The following TRPC7 variants were observed in gnomAD, a reference collection of about 807,000 sequenced individuals.
The protein encoded by TRPC7 is transient receptor potential cation channel subfamily C member 7.
Under a neutral mutation model 90.1 loss-of-function variants are expected in TRPC7, and 42 were observed. The observed-to-expected ratio is 0.47, with a 90% CI of 0.36 to 0.60. The LOEUF is 0.60. TRPC7 is among the 20% of genes least tolerant of loss of function. TRPC7 has a pLI of 0.00. For missense variants in TRPC7, 955 were observed against 1,112.3 expected, an observed-to-expected ratio of 0.86 and a Z score of 2.01; for synonymous variants, 451 against 436.3, an observed-to-expected ratio of 1.03 and a Z score of -0.42.
At chr5:136,361,452 T>C (rs1760566882) in intron 1 of TRPC7, among the ~76,000 whole-genome samples, 1 of 152,160 alleles carries the variant, frequency 6.6e-6, no homozygotes, top group Non-Finnish European at 1.5e-5. Context: ...CTCTTACAGA[T>C]GCATCAGCCA....
intron 7 of TRPC7, among the ~76,000 whole-genome samples, chr5:136,235,044 A>C (rs1339450171): frequency 6.6e-6 from 1 of 152,244 alleles, no homozygotes; most frequent in Non-Finnish European, 1.5e-5. Context: ...AATTTATTAC[A>C]TAATTCTGGG....
intron 3 of TRPC7, among the ~76,000 whole-genome samples, chr5:136,311,750 C>T (rs1758840659): frequency 6.6e-6 from 1 of 152,128 alleles, no homozygotes; most frequent in African/African-American, 2.4e-5. Flanking sequence ...AGGTGTGACT[C>T]AATATGGGGA....
chr5:136,287,483 A>G (rs1379262365), intron 3 of TRPC7, among the ~76,000 whole-genome samples: 12 of 151,852 alleles, frequency 7.9e-5, no homozygotes, highest in African/African-American at 2.4e-4. Context: ...TGGACCCCCA[A>G]ATGCAGATCA....
chr5:136,279,996 A>G (rs1391130638), intron 3 of TRPC7, among the ~76,000 whole-genome samples: 1 of 151,906 alleles, frequency 6.6e-6, no homozygotes, highest in Non-Finnish European at 1.5e-5. Context: ...CTACTGAAAA[A>G]AAAAAATACA....
At chr5:136,357,498 A>G (rs1760430919) in intron 1 of TRPC7, 113 bp from the exon 2 acceptor site, 3 of 1,104,368 alleles carry the variant, frequency 2.7e-6, no homozygotes. Context: ...CTTATGAGGA[A>G]TTGTGCAATC....
intron 1 of TRPC7, among the ~76,000 whole-genome samples, chr5:136,359,012 T>G (rs1760477393): frequency 6.6e-6 from 1 of 152,210 alleles, no homozygotes; most frequent in African/African-American, 2.4e-5. Context: ...GTATTTCACT[T>G]TAGCCATTTT....
chr5:136,264,390 CAT>C (rs1226782256), intron 5 of TRPC7, among the ~76,000 whole-genome samples: 6 of 152,254 alleles, frequency 3.9e-5, no homozygotes, highest in Middle Eastern at 3.4e-3. Flanking sequence ...ATAAATCCAA[CAT>C]GTGAGTTTTT....
intron 7 of TRPC7, among the ~76,000 whole-genome samples, chr5:136,234,672 G>A (rs2149798510): frequency 6.6e-6 from 1 of 152,118 alleles, no homozygotes; most frequent in South Asian, 2.1e-4. Flanking sequence ...CTTTTCATGG[G>A]GCAAAATGAA....
rs188447842 is a variant in TRPC7, at chr5:136,253,315, A to G, written c.1346-1433T>C. Among the ~76,000 whole-genome samples, 4 of 150,636 alleles carry G rather than the reference A, an allele frequency of 2.7e-5. No individual in the cohort carries two copies. In the East Asian group the frequency reaches 7.9e-4, roughly 30 times the overall value. On this transcript the variant is annotated intron_variant, in intron 5 of 11. Coordinates refer to ENST00000513104, the MANE Select transcript of TRPC7 (RefSeq NM_020389.3). ...ACTGATTACTAAATTATTACTATTT[A>G]AATTATTTTAAATTACCGGCATACC...
chr5:136,239,107 T>TA (rs1265875597), intron 7 of TRPC7, among the ~76,000 whole-genome samples: 2 of 152,148 alleles, frequency 1.3e-5, no homozygotes, highest in Non-Finnish European at 2.9e-5. Context: ...GTGGGTGCAG[T>TA]AAGCTCTCTC....
intron 7 of TRPC7, among the ~76,000 whole-genome samples, chr5:136,237,395 C>T (rs1756016306): frequency 6.6e-6 from 1 of 152,210 alleles, no homozygotes; most frequent in African/African-American, 2.4e-5. Flanking sequence ...GTGTTTTCTT[C>T]ATCTTCGAAA....
intron 3 of TRPC7, among the ~76,000 whole-genome samples, chr5:136,287,359 G>A (rs985981913): frequency 4.0e-5 from 6 of 151,748 alleles, no homozygotes; most frequent in African/African-American, 1.5e-4. Flanking sequence ...GTGAAGAGGA[G>A]TCCTTGGTGT....
At chr5:136,246,071 G>A (rs944789537) in intron 7 of TRPC7, among the ~76,000 whole-genome samples, 1 of 152,190 alleles carries the variant, frequency 6.6e-6, no homozygotes. Context: ...CAGGCTTAGA[G>A]AGCTCCATCA....
intron 2 of TRPC7, among the ~76,000 whole-genome samples, chr5:136,335,616 A>G (rs1180003315): frequency 1.3e-5 from 2 of 151,924 alleles, no homozygotes; most frequent in Non-Finnish European, 2.9e-5. Context: ...TTAAAAAGCT[A>G]CGAGAGGCCA....
intron 3 of TRPC7, among the ~76,000 whole-genome samples, chr5:136,281,741 C>T (rs1757557763): frequency 6.6e-6 from 1 of 152,106 alleles, no homozygotes; most frequent in Non-Finnish European, 1.5e-5. Context: ...TATGGAATGT[C>T]CATAATGATG....
At chr5:136,357,856 G>A (rs538589300) in intron 1 of TRPC7, among the ~76,000 whole-genome samples, 4 of 152,316 alleles carry the variant, frequency 2.6e-5, no homozygotes, top group African/African-American at 9.6e-5. Context: ...TAATTTGTAA[G>A]TAGAAAGTAT....
Position 136,307,889 on chromosome 5 carries a change from G to C in TRPC7, c.963+7708C>G, listed in dbSNP as rs118042251. On this transcript the variant is annotated intron_variant, in intron 3 of 11. Coordinates refer to ENST00000513104, the MANE Select transcript of TRPC7 (RefSeq NM_020389.3). ...TTGTTATGCACCTACCATGTTCTAG[G>C]TACATTGCATGTGTTCTAAACATTA... Among the ~76,000 whole-genome samples the C allele has an allele frequency of 2.1e-3, 315 of 152,280 alleles. 6 individuals are homozygous for C. The East Asian group carries it at 0.051, about 25-fold the overall frequency.
Position 136,247,794 on chromosome 5 carries a change from C to G in TRPC7, c.1580-59G>C, listed in dbSNP as rs1756392347. 3.9e-6 allele frequency: 6 copies of G among 1,554,350 alleles called. No individual in the cohort carries two copies. In the Admixed American group the frequency reaches 1.2e-4, roughly 30 times the overall value. ...CACAGGATCTATTCTAGAAGAGAAACCAGTTAGGCATCTTTAGAGGTCTCC... is the reference window on the plus strand; with the variant it reads ...CACAGGATCTATTCTAGAAGAGAAAGCAGTTAGGCATCTTTAGAGGTCTCC... On this transcript the variant is annotated intron_variant, in intron 6 of 11. Coordinates refer to ENST00000513104, the MANE Select transcript of TRPC7 (RefSeq NM_020389.3). The surrounding 1 kb of genome is among the most constrained non-coding windows in gnomAD (Gnocchi z 4.2).
intron 2 of TRPC7, among the ~76,000 whole-genome samples, chr5:136,329,695 AATTCAATAT>A (rs1759442467): frequency 6.6e-6 from 1 of 152,166 alleles, no homozygotes; most frequent in Non-Finnish European, 1.5e-5. Flanking sequence ...TTATGCACAT[AATTCAATAT>A]TTTATGTATT....
Sources: gnomAD v4.1 joint callset for allele counts (sites outside exome capture counted in the v4.1 genomes callset) on GRCh38, gnomAD v4.1.1 for gene constraint, Gnocchi (gnomAD v3.1) non-coding constraint, MANE v1.5 for transcripts, NCBI Gene and HGNC (gene_info 2026-07-23, HGNC 2026-07-21) for gene names.